The following PTPRD variants were observed in gnomAD, a reference collection of about 807,000 sequenced individuals.
PTPRD encodes protein tyrosine phosphatase receptor type D.
A neutral mutation model predicts 214.5 loss-of-function variants in PTPRD; 34 were observed. That is an observed-to-expected ratio of 0.16 (90% CI 0.12 to 0.21). The LOEUF is 0.21. Among genes scored for constraint, PTPRD ranks in the 10% least tolerant of loss-of-function variants. PTPRD has a pLI of 1.00. For synonymous variants in PTPRD, 1,128 were observed against 845.7 expected, an observed-to-expected ratio of 1.33 and a Z score of -5.79; for missense variants, 2,545 against 2,398.7, an observed-to-expected ratio of 1.06 and a Z score of -1.27.
intron 18 of PTPRD, 128 bp downstream of exon 18, chr9:8,524,797 T>A (rs191633839): frequency 2.5e-6 from 2 of 812,852 alleles, no homozygotes; most frequent in Admixed American, 1.7e-5. Flanking sequence ...TTTACTAACA[T>A]GTTTCAGCTA....
intron 3 of PTPRD, among the ~76,000 whole-genome samples, chr9:10,152,600 C>T (rs182252883): frequency 3.9e-5 from 6 of 152,058 alleles, no homozygotes; most frequent in African/African-American, 1.2e-4. Context: ...CCGAGGTGGG[C>T]GGATCACCTG....
chr9:10,174,938 G>C (rs2099237716), intron 3 of PTPRD, among the ~76,000 whole-genome samples: 1 of 152,040 alleles, frequency 6.6e-6, no homozygotes, highest in Admixed American at 6.6e-5. Context: ...TAGTAAAAAT[G>C]AATGCTTGAA....
Position 9,493,127 on chromosome 9 carries a change from A to C in PTPRD, c.-237+81605T>G, listed in dbSNP as rs760128096. On this transcript the variant is annotated intron_variant, in intron 8 of 45. Coordinates refer to ENST00000381196, the MANE Select transcript of PTPRD (RefSeq NM_002839.4). ...TGTTCATGTATCAGAATAATTTTAC[A>C]TCTCTCACTGTAAATAAAGAGCTAT... 2.0e-5 allele frequency among the ~76,000 whole-genome samples: 3 copies of C among 151,780 alleles called. No individual in the cohort carries two copies. In the East Asian group the frequency reaches 5.8e-4, roughly 30 times the overall value.
At chr9:9,065,745 C>T (rs2099728898) in intron 10 of PTPRD, among the ~76,000 whole-genome samples, 1 of 152,054 alleles carries the variant, frequency 6.6e-6, no homozygotes. Context: ...AAATTCTCTT[C>T]CTTGAAATGA....
chr9:9,207,606 G>A (rs1022927710), intron 9 of PTPRD, among the ~76,000 whole-genome samples: 117 of 152,228 alleles, frequency 7.7e-4, no homozygotes, highest in Admixed American at 2.6e-3. Flanking sequence ...ATTGCTGGTA[G>A]GTATGAAAAA....
intron 9 of PTPRD, among the ~76,000 whole-genome samples, chr9:9,188,611 T>C (rs2099933150): frequency 6.6e-6 from 1 of 152,022 alleles, no homozygotes; most frequent in African/African-American, 2.4e-5. Context: ...GGAAGACCCC[T>C]GACCTAGGAT....
At chr9:9,575,322 AAATT>A (rs1383429865) in intron 7 of PTPRD, among the ~76,000 whole-genome samples, 3 of 152,168 alleles carry the variant, frequency 2.0e-5, no homozygotes, top group African/African-American at 7.2e-5. Flanking sequence ...TGTACATCCT[AAATT>A]ATTTAAGATA....
intron 11 of PTPRD, among the ~76,000 whole-genome samples, chr9:8,889,796 T>G (rs1352751660): frequency 6.6e-6 from 1 of 152,244 alleles, no homozygotes; most frequent in East Asian, 1.9e-4. Flanking sequence ...TTATTTCATT[T>G]GTTTTATGGC....
intron 12 of PTPRD, among the ~76,000 whole-genome samples, chr9:8,666,285 A>G (rs2097169179): frequency 6.6e-6 from 1 of 152,214 alleles, no homozygotes; most frequent in African/African-American, 2.4e-5. Context: ...CATTTCAAAT[A>G]TTTTAAGTGT....
intron 4 of PTPRD, among the ~76,000 whole-genome samples, chr9:9,955,306 A>G (rs1009816275): frequency 5.3e-5 from 8 of 152,216 alleles, no homozygotes; most frequent in Non-Finnish European, 1.2e-4. Flanking sequence ...GAAAGGAACC[A>G]CAAGAACATA....
At chr9:9,033,077 C>T (rs1031615019) in intron 10 of PTPRD, among the ~76,000 whole-genome samples, 2 of 152,068 alleles carry the variant, frequency 1.3e-5, no homozygotes, top group Non-Finnish European at 2.9e-5. Context: ...AATGGAGATG[C>T]GTTTGTATGC....
At chr9:9,940,468 G>T in intron 4 of PTPRD, among the ~76,000 whole-genome samples, 1 of 152,124 alleles carries the variant, frequency 6.6e-6, no homozygotes, top group East Asian at 1.9e-4. Flanking sequence ...ACACTCTTAT[G>T]CATACTTAAT....
chr9:8,536,801 G>A (rs1199122980), intron 14 of PTPRD, among the ~76,000 whole-genome samples: 3 of 151,918 alleles, frequency 2.0e-5, no homozygotes, highest in Non-Finnish European at 2.9e-5. Context: ...GTCCCTCTTC[G>A]GTTTATGGGA....
chr9:8,669,839 T>A (rs1378734004), intron 12 of PTPRD, among the ~76,000 whole-genome samples: 1 of 152,136 alleles, frequency 6.6e-6, no homozygotes, highest in East Asian at 1.9e-4. Flanking sequence ...CCTGTGAAGG[T>A]TTGAAGCTAG....
chr9:9,991,054 C>A (rs1212121979), intron 4 of PTPRD, among the ~76,000 whole-genome samples: 1 of 151,628 alleles, frequency 6.6e-6, no homozygotes, highest in Non-Finnish European at 1.5e-5. Flanking sequence ...CCGGCCTCAG[C>A]CTCCTGAGTA....
chr9:10,227,515 C>A (rs1322362321), intron 3 of PTPRD, among the ~76,000 whole-genome samples: 1 of 151,852 alleles, frequency 6.6e-6, no homozygotes, highest in Non-Finnish European at 1.5e-5. Flanking sequence ...AGGTTTGGCT[C>A]AAAAATCACT....
chr9:10,478,905 TC>T (rs1421018946), intron 2 of PTPRD, among the ~76,000 whole-genome samples: 2 of 151,938 alleles, frequency 1.3e-5, no homozygotes, highest in African/African-American at 4.8e-5. Context: ...AAATGAAATT[TC>T]AAACCTAAAA....
chr9:9,455,508 T>C (rs1324201198), intron 8 of PTPRD, among the ~76,000 whole-genome samples: 3 of 151,632 alleles, frequency 2.0e-5, no homozygotes, highest in Non-Finnish European at 3.0e-5. Context: ...CTTATCTCAG[T>C]ACAGCTACTC....
chr9:10,189,778 A>G (rs2099354357), intron 3 of PTPRD, among the ~76,000 whole-genome samples: 1 of 152,186 alleles, frequency 6.6e-6, no homozygotes, highest in Admixed American at 6.5e-5. Flanking sequence ...AAATCAAAAC[A>G]TTCTTTCTAG....
Sources: allele counts gnomAD v4.1 joint callset (sites outside exome capture counted in the v4.1 genomes callset), GRCh38; gene constraint gnomAD v4.1.1; transcripts MANE v1.5; gene names NCBI Gene and HGNC (gene_info 2026-07-23, HGNC 2026-07-21).